AGMO: variants seen among roughly 807,000 people sequenced by gnomAD.
AGMO encodes alkylglycerol monooxygenase.
A neutral mutation model predicts 60.2 loss-of-function variants in AGMO; 75 were observed. The ratio of observed to expected loss-of-function variants is 1.25; its 90% CI spans 1.03 to 1.51. The LOEUF is 1.51. Among genes scored for constraint, AGMO ranks in the 40% most tolerant of loss-of-function variants. The probability of loss-of-function intolerance (pLI) is 0.00; values close to 1 mark genes in which losing one functional copy is unlikely to be tolerated. For synonymous variants in AGMO, 261 were observed against 177.1 expected (o/e 1.47, Z -3.76); for missense variants, 763 against 525.5 (o/e 1.45, Z -4.42).
chr7:15,134,555 T>C, the AGMO span, among the ~76,000 whole-genome samples: 51,342 of 152,016 alleles, frequency 0.34, 10,176 homozygotes, highest in East Asian at 0.67. Flanking sequence ...CATGTGGAAT[T>C]TGGTTTTCTC....
chr7:15,323,601 TATA>T (rs1190323741), intron 12 of AGMO, among the ~76,000 whole-genome samples: 1 of 152,156 alleles, frequency 6.6e-6, no homozygotes, highest in African/African-American at 2.4e-5. Context: ...CCCAATTTCT[TATA>T]ATATTTAGAC....
At chr7:15,482,898 G>A (rs929772292) in intron 3 of AGMO, among the ~76,000 whole-genome samples, 1 of 152,150 alleles carries the variant, frequency 6.6e-6, no homozygotes, top group African/African-American at 2.4e-5. Context: ...CATGTCAATA[G>A]ATGTAGAAAA....
At chr7:15,222,969 C>T (rs1046916125) in intron 12 of AGMO, among the ~76,000 whole-genome samples, 1 of 151,732 alleles carries the variant, frequency 6.6e-6, no homozygotes, top group African/African-American at 2.4e-5. Flanking sequence ...TCAAAATATG[C>T]CCTACTGATT....
At chr7:15,291,427 G>T (rs1583370591) in intron 12 of AGMO, among the ~76,000 whole-genome samples, 1 of 152,050 alleles carries the variant, frequency 6.6e-6, no homozygotes, top group African/African-American at 2.4e-5. Context: ...AACTTTGCCG[G>T]TATAGTGTTC....
chr7:15,432,335 T>TATATATATACACATAC (rs759130741), intron 3 of AGMO, among the ~76,000 whole-genome samples: 1 of 136,640 alleles, frequency 7.3e-6, no homozygotes, highest in Admixed American at 7.5e-5. Flanking sequence ...TATGTATATA[T>TATATATATACACATAC]ATATATATAT....
chr7:15,216,234 A>G (rs868766717), intron 12 of AGMO, among the ~76,000 whole-genome samples: 52 of 152,126 alleles, frequency 3.4e-4, no homozygotes, highest in African/African-American at 1.2e-3. Context: ...CTTTCAGGCC[A>G]AACAGCAATC....
intron 3 of AGMO, among the ~76,000 whole-genome samples, chr7:15,523,053 T>A (rs6976414): frequency 0.82 from 124,758 of 152,234 alleles, 51,427 homozygotes; most frequent in East Asian, 0.97. Flanking sequence ...GACACATCGC[T>A]AAAGAAGACA....
chr7:15,436,200 C>G (rs1326159843), intron 3 of AGMO, among the ~76,000 whole-genome samples: 1 of 152,156 alleles, frequency 6.6e-6, no homozygotes, highest in Admixed American at 6.5e-5. Flanking sequence ...AACAGAAGAG[C>G]TATGCCTTAG....
chr7:15,191,971 T>TCA, the AGMO span, among the ~76,000 whole-genome samples: 7 of 77,142 alleles, frequency 9.1e-5, no homozygotes, highest in African/African-American at 2.8e-4. Flanking sequence ...TCTGTCTCTC[T>TCA]CTCACACACA....
intron 12 of AGMO, among the ~76,000 whole-genome samples, chr7:15,241,472 A>C (rs1257632149): frequency 2.6e-5 from 3 of 114,824 alleles, no homozygotes; most frequent in East Asian, 6.1e-4. Flanking sequence ...AAAAAAAAAA[A>C]AAAAAAAAAA....
At position 15,390,719 on chromosome 7, in the gene AGMO, T is replaced by A; in HGVS notation, c.774A>T (p.Val258=). ...TATTAATGGGATGTGTTAAGCCATATACAACTTTTTCATTTTCTGCTTCAA... is the reference window on the plus strand; with the variant it reads ...TATTAATGGGATGTGTTAAGCCATAAACAACTTTTTCATTTTCTGCTTCAA... The part of the protein sequence containing the change: ...GTFEAENEKV[V]YGLTHPINTF... The change falls in exon 8 of 13, where the codon GTA becomes GTT. Residue 258 remains valine, a synonymous_variant. Transcript: ENST00000342526. 1 of 1,611,620 alleles carries A rather than the reference T, an allele frequency of 6.2e-7. No homozygotes were observed. Among genetic ancestry groups the A allele is most frequent in the Non-Finnish European group, 8.5e-7 (1 of 1,178,466 alleles).
chr7:15,374,889 G>C (rs898137194), intron 10 of AGMO, among the ~76,000 whole-genome samples: 1 of 151,978 alleles, frequency 6.6e-6, no homozygotes, highest in Non-Finnish European at 1.5e-5. Context: ...GCAGAGTGTC[G>C]GTCAAGTCTT....
chr7:15,337,023 TATATCACA>T (rs780935418), intron 12 of AGMO, among the ~76,000 whole-genome samples: 1 of 152,220 alleles, frequency 6.6e-6, no homozygotes, highest in African/African-American at 2.4e-5. Flanking sequence ...TGTAACTGTG[TATATCACA>T]ATATCATCAT....
At chr7:15,353,708 C>T (rs1425581348) in intron 12 of AGMO, among the ~76,000 whole-genome samples, 1 of 152,050 alleles carries the variant, frequency 6.6e-6, no homozygotes, top group Non-Finnish European at 1.5e-5. Flanking sequence ...TATTAAAATA[C>T]ATTAAACTGA....
chr7:15,341,873 G>C (rs973706284), intron 12 of AGMO, among the ~76,000 whole-genome samples: 3 of 151,924 alleles, frequency 2.0e-5, no homozygotes, highest in African/African-American at 7.3e-5. Context: ...AAAACCATCA[G>C]ATCTCGTGAG....
At chr7:15,255,008 C>T (rs1158475024) in intron 12 of AGMO, among the ~76,000 whole-genome samples, 1 of 151,550 alleles carries the variant, frequency 6.6e-6, no homozygotes, top group Non-Finnish European at 1.5e-5. Context: ...CACATATACA[C>T]CATGGAATAC....
At chr7:15,224,805 A>G (rs1782028063) in intron 12 of AGMO, among the ~76,000 whole-genome samples, 2 of 152,064 alleles carry the variant, frequency 1.3e-5, no homozygotes, top group Admixed American at 1.3e-4. Flanking sequence ...GAGCAAAGCA[A>G]TTAGCAAATT....
intron 3 of AGMO, among the ~76,000 whole-genome samples, chr7:15,448,006 T>C (rs1360975242): frequency 1.3e-5 from 2 of 152,232 alleles, no homozygotes; most frequent in Non-Finnish European, 2.9e-5. Flanking sequence ...TTCTTTTGAT[T>C]GCTTCGGGTT....
chr7:15,260,630 T>G (rs1292832963), intron 12 of AGMO, among the ~76,000 whole-genome samples: 1 of 151,966 alleles, frequency 6.6e-6, no homozygotes, highest in Non-Finnish European at 1.5e-5. Flanking sequence ...GTCAACAAGG[T>G]AACGGTGGAC....
Sources: gnomAD v4.1 joint callset for allele counts (sites outside exome capture counted in the v4.1 genomes callset) on GRCh38, gnomAD v4.1.1 for gene constraint, MANE v1.5 for transcripts, NCBI Gene and HGNC (gene_info 2026-07-23, HGNC 2026-07-21) for gene names.